The following NAV3 variants were observed in gnomAD, a reference collection of about 807,000 sequenced individuals.
NAV3 encodes the protein pore membrane and/or filament interacting like protein 1.
A neutral mutation model predicts 244.7 loss-of-function variants in NAV3; 87 were observed. That is an observed-to-expected ratio of 0.36 (90% CI 0.30 to 0.42). The LOEUF (loss-of-function observed/expected upper bound fraction) is 0.42. Among genes scored for constraint, NAV3 ranks in the 20% least tolerant of loss-of-function variants. The pLI, the probability that NAV3 is intolerant of heterozygous loss-of-function variation, is 1.00. For missense variants in NAV3, 2,663 were observed against 2,893.3 expected (o/e 0.92, Z 1.83); for synonymous variants, 1,126 against 1,042.2 (o/e 1.08, Z -1.55).
At chr12:77,725,260 G>A (rs1876824604) in intron 2 of NAV3, among the ~76,000 whole-genome samples, 1 of 151,782 alleles carries the variant, frequency 6.6e-6, no homozygotes, top group Admixed American at 6.6e-5. Context: ...ATAGTAAAAG[G>A]GTAATAATAT....
chr12:77,816,619 A>T (rs186205937), intron 2 of NAV3, among the ~76,000 whole-genome samples: 1 of 152,274 alleles, frequency 6.6e-6, no homozygotes, highest in Non-Finnish European at 1.5e-5. Flanking sequence ...CTCGGCTATC[A>T]TCTGCGGCCA....
intron 2 of NAV3, among the ~76,000 whole-genome samples, chr12:77,679,777 C>A (rs1446632172): frequency 6.6e-6 from 1 of 152,096 alleles, no homozygotes; most frequent in Non-Finnish European, 1.5e-5. Context: ...ATTTGAGAAG[C>A]AAGAGCGATC....
rs761805894 is a variant in NAV3, at chr12:77,941,111, G to A, written c.392G>A (p.Cys131Tyr). Residue 131 changes from cysteine to tyrosine, a missense_variant, in exon 3 of 40, where the codon TGT (cysteine) becomes TAT (tyrosine). Coordinates refer to ENST00000397909, the MANE Select transcript of NAV3 (RefSeq NM_001024383.2). The part of the protein sequence containing the change: ...ANEKVEDING[C>Y]PRSQSQMIEN... ...GAAAAAGTTGAAGATATCAATGGAT[G>A]TCCTAGAAGTCAGTCTCAGATGGTA... The A allele has an allele frequency of 1.1e-5, 18 of 1,576,130 alleles. No homozygotes were observed. The highest frequency in any genetic ancestry group is 1.8e-5 in the Admixed American group (1 of 56,630).
chr12:78,151,169 C>A (rs74942305), intron 22 of NAV3, among the ~76,000 whole-genome samples: 1 of 151,968 alleles, frequency 6.6e-6, no homozygotes, highest in Non-Finnish European at 1.5e-5. Flanking sequence ...TGGAGACAAA[C>A]GCCCAAATTG....
intron 5 of NAV3, among the ~76,000 whole-genome samples, chr12:77,976,666 C>CTTTTTTTT (rs1295751885): frequency 4.8e-4 from 28 of 58,044 alleles, no homozygotes; most frequent in African/African-American, 1.6e-3. Context: ...TTCTTTCTTT[C>CTTTTTTTT]TTTTTTTCTT....
In NAV3 at chr12:78,057,755, T is replaced by TA. The variant is rs200248381; in HGVS notation, c.2517-1240dup. Among the ~76,000 whole-genome samples, 453 of 152,334 alleles carry TA rather than the reference T, an allele frequency of 3.0e-3. 4 individuals carry two copies. The highest frequency in any genetic ancestry group is 0.01 in the African/African-American group (436 of 41,584). On this transcript the variant is annotated intron_variant, in intron 11 of 39. Coordinates refer to ENST00000397909, the MANE Select transcript of NAV3 (RefSeq NM_001024383.2). ...TTAAACATAGCTTGTTTAAGTGACT[T>TA]ACCTCAGCCCACACAGCTAGTAAGT... is the stretch of plus-strand genomic sequence containing the variant.
chr12:78,020,560 A>C (rs1330052104), intron 8 of NAV3, among the ~76,000 whole-genome samples: 1 of 152,140 alleles, frequency 6.6e-6, no homozygotes, highest in Non-Finnish European at 1.5e-5. Flanking sequence ...TAATTCACAT[A>C]TATAACACAT....
At chr12:77,810,721 T>G (rs1381487633) in intron 2 of NAV3, among the ~76,000 whole-genome samples, 1 of 152,194 alleles carries the variant, frequency 6.6e-6, no homozygotes, top group Admixed American at 6.5e-5. Context: ...GCAAATGTAT[T>G]CCTTATTAAG....
chr12:77,804,979 T>C lies in NAV3; in HGVS notation c.73-135340T>C, dbSNP rs113584801. Among the ~76,000 whole-genome samples the C allele has an allele frequency of 2.3e-3, 355 of 152,304 alleles. 4 individuals are homozygous for C. Among genetic ancestry groups the C allele is most frequent in the African/African-American group, 8.3e-3 (344 of 41,570 alleles). On this transcript the variant is annotated intron_variant, in intron 2 of 8. Transcript: ENST00000550042. ...GATTTGGCTCTCTGTTTTTCTATTATTGGTGTATAGAAACGCTTCTGATTT... is the reference window on the plus strand; with the variant it reads ...GATTTGGCTCTCTGTTTTTCTATTACTGGTGTATAGAAACGCTTCTGATTT...
intron 2 of NAV3, among the ~76,000 whole-genome samples, chr12:77,693,814 T>C (rs1306840674): frequency 6.6e-6 from 1 of 152,120 alleles, no homozygotes; most frequent in Admixed American, 6.6e-5. Context: ...CATAACTTTC[T>C]GGACTACCAA....
chr12:77,581,009 A>G (rs531569544), intron 2 of NAV3, among the ~76,000 whole-genome samples: 13 of 152,292 alleles, frequency 8.5e-5, no homozygotes, highest in African/African-American at 2.9e-4. Flanking sequence ...TCTCCCTAAC[A>G]ATGTAACTTG....
At chr12:77,727,634 A>C (rs1338680302) in intron 2 of NAV3, among the ~76,000 whole-genome samples, 1 of 151,994 alleles carries the variant, frequency 6.6e-6, no homozygotes, top group Non-Finnish European at 1.5e-5. Flanking sequence ...AGTAGAGTTT[A>C]GAAGTGTGAT....
chr12:77,588,297 T>A (rs1869732099), intron 2 of NAV3, among the ~76,000 whole-genome samples: 1 of 151,772 alleles, frequency 6.6e-6, no homozygotes, highest in African/African-American at 2.4e-5. Context: ...TATTTTTTTT[T>A]TGGTAGAGAA....
chr12:77,634,641 G>A (rs748539027), intron 2 of NAV3, among the ~76,000 whole-genome samples: 9 of 151,974 alleles, frequency 5.9e-5, no homozygotes, highest in Middle Eastern at 6.8e-3. Context: ...AACAGGTGTC[G>A]CCTATTTCCA....
At chr12:77,706,488 C>T (rs1875805327) in intron 2 of NAV3, among the ~76,000 whole-genome samples, 1 of 151,328 alleles carries the variant, frequency 6.6e-6, no homozygotes, top group African/African-American at 2.5e-5. Context: ...ACTCTAATGT[C>T]TGCCAGTTGG....
chr12:77,619,063 T>G (rs11105968), intron 2 of NAV3, among the ~76,000 whole-genome samples: 73 of 152,288 alleles, frequency 4.8e-4, no homozygotes, highest in African/African-American at 1.7e-3. Context: ...GAATATATTT[T>G]TATAACCCAG....
Position 78,210,482 on chromosome 12 carries a change from G to A in NAV3, c.7123G>A (p.Asp2375Asn), listed in dbSNP as rs1960794275. The change falls in exon 40 of 40, where the codon GAC (aspartate) becomes AAC (asparagine). Residue 2375 changes from aspartate (D) to asparagine (N), a missense_variant. Around this residue, in one of 6 missense-constraint regions of NAV3, gnomAD observed 543 missense variants for 672.4 expected, o/e 0.81. Transcript: ENST00000397909. Reference protein sequence around the residue: ...CDSESTSHHEDILDSSLESTL With the variant: ...CDSESTSHHENILDSSLESTL Reference sequence around the variant, plus strand: ...CAGCGAAAGCACCAGCCACCATGAAGACATTTTGGATTCATCTCTTGAATC... The same window carrying A: ...CAGCGAAAGCACCAGCCACCATGAAAACATTTTGGATTCATCTCTTGAATC... The A allele has an allele frequency of 1.2e-6, 2 of 1,613,746 alleles. No individual in the cohort carries two copies. The highest frequency in any genetic ancestry group is 2.7e-5 in the African/African-American group (2 of 74,914).
intron 1 of NAV3, among the ~76,000 whole-genome samples, chr12:77,921,172 C>T (rs972936095): frequency 2.6e-5 from 4 of 151,854 alleles, no homozygotes; most frequent in Admixed American, 1.3e-4. Flanking sequence ...AAATGAGAAA[C>T]GTCTTTTGGT....
chr12:78,030,952 C>T (rs1285946513), intron 9 of NAV3, among the ~76,000 whole-genome samples: 2 of 152,078 alleles, frequency 1.3e-5, no homozygotes, highest in Non-Finnish European at 2.9e-5. Flanking sequence ...ACTGAGGTTT[C>T]GATAGTTCTC....
Sources: allele counts gnomAD v4.1 joint callset (sites outside exome capture counted in the v4.1 genomes callset), GRCh38; gene constraint gnomAD v4.1.1; regional missense constraint gnomAD v4.1.1; transcripts MANE v1.5; gene names NCBI Gene and HGNC (gene_info 2026-07-23, HGNC 2026-07-21).